SLIT2: variants seen among roughly 807,000 people sequenced by gnomAD.
The protein encoded by SLIT2 is slit homolog 2 protein.
SLIT2 carries 41 observed loss-of-function variants against 185.7 expected under a neutral mutation model. The ratio of observed to expected loss-of-function variants is 0.22; its 90% confidence interval spans 0.17 to 0.29. SLIT2 has a LOEUF of 0.29. Among genes scored for constraint, SLIT2 ranks in the 10% least tolerant of loss-of-function variants. SLIT2 has a pLI of 1.00. For missense variants in SLIT2, 1,571 were observed against 1,909.0 expected (o/e 0.82, Z 3.30); for synonymous variants, 693 against 680.2 (o/e 1.02, Z -0.29).
chr4:20,547,074 G>C (rs539205452), intron 22 of SLIT2, among the ~76,000 whole-genome samples: 14 of 152,192 alleles, frequency 9.2e-5, no homozygotes, highest in Middle Eastern at 3.4e-3. Flanking sequence ...ATTGAAGCTA[G>C]TTAAAATTGC....
At position 20,546,963 on chromosome 4, in the gene SLIT2, G is replaced by A. The variant is rs182683253; in HGVS notation, c.2345+864G>A. ...TTTAGAGTAAATATTACTAGCGTAA[G>A]AAGCAGATTACTGGTTAACGAATTA... On this transcript the variant is annotated intron_variant, in intron 22 of 36. Coordinates refer to ENST00000504154, the MANE Select transcript of SLIT2 (RefSeq NM_004787.4). Among the ~76,000 whole-genome samples the A allele has an allele frequency of 1.1e-3, 167 of 152,192 alleles. 1 individual carries two copies. In the East Asian group the frequency reaches 0.018, roughly 17 times the overall value.
chr4:20,539,212 A>G (rs1335213931), intron 18 of SLIT2, among the ~76,000 whole-genome samples: 2 of 152,242 alleles, frequency 1.3e-5, no homozygotes, highest in African/African-American at 4.8e-5. Flanking sequence ...ATCCATGCCT[A>G]GACTCACCGT....
In SLIT2 at chr4:20,617,494, T is replaced by A; in HGVS notation, c.4192T>A (p.Leu1398Met). The A allele has an allele frequency of 6.2e-7, 1 of 1,614,144 alleles. No homozygotes were observed. The highest frequency in any genetic ancestry group is 8.5e-7 in the Non-Finnish European group (1 of 1,180,016). ...INAFSYSCKC[L>M]EGHGGVLCDE... ...TGCGTTCTCCTACAGCTGTAAGTGCTTGGAGGGCCATGGAGGTGTCCTCTG... is the reference window on the plus strand; with the variant it reads ...TGCGTTCTCCTACAGCTGTAAGTGCATGGAGGGCCATGGAGGTGTCCTCTG... Residue 1398 changes from leucine (L) to methionine (M), a missense_variant, in exon 36 of 37, where the codon TTG becomes ATG. Transcript: ENST00000504154.
chr4:20,392,198 C>T (rs1021445407), intron 4 of SLIT2: 1 of 152,040 alleles, frequency 6.6e-6, no homozygotes, highest in Non-Finnish European at 1.5e-5. Context: ...TAGCCTATTG[C>T]TCCTAGGCTT....
intron 33 of SLIT2, among the ~76,000 whole-genome samples, chr4:20,605,401 A>G (rs1728712681): frequency 6.6e-6 from 1 of 152,230 alleles, no homozygotes; most frequent in Non-Finnish European, 1.5e-5. Context: ...AACAAATCTC[A>G]GGAAATAGGT....
intron 4 of SLIT2, among the ~76,000 whole-genome samples, chr4:20,342,717 C>CTCT (rs1721057685): frequency 2.9e-5 from 2 of 69,678 alleles, no homozygotes; most frequent in Non-Finnish European, 4.9e-5. Flanking sequence ...GACTATCGCA[C>CTCT]TTTTTTTTTT....
At chr4:20,522,965 A>G (rs913793009) in intron 12 of SLIT2, among the ~76,000 whole-genome samples, 6 of 152,162 alleles carry the variant, frequency 3.9e-5, no homozygotes, top group Non-Finnish European at 7.3e-5. Context: ...AAAAAAATGT[A>G]TATATTTTAG....
chr4:20,334,497 G>A (rs190795719), intron 4 of SLIT2, among the ~76,000 whole-genome samples: 1 of 152,184 alleles, frequency 6.6e-6, no homozygotes, highest in East Asian at 1.9e-4. Flanking sequence ...AATTGTTTAG[G>A]AGAGATATCT....
At chr4:20,503,536 A>C (rs1322220564) in intron 9 of SLIT2, among the ~76,000 whole-genome samples, 1 of 151,940 alleles carries the variant, frequency 6.6e-6, no homozygotes, top group African/African-American at 2.4e-5. Flanking sequence ...CTCCCCCTGA[A>C]ATCTGTGGGC....
intron 7 of SLIT2, among the ~76,000 whole-genome samples, chr4:20,486,491 TA>T (rs534832210): frequency 1.4e-3 from 209 of 150,964 alleles, no homozygotes; most frequent in Non-Finnish European, 2.1e-3. Flanking sequence ...ACTTTGGAGT[TA>T]AAAAAAAACA....
chr4:20,336,851 C>A (rs1720548162), intron 4 of SLIT2, among the ~76,000 whole-genome samples: 1 of 152,124 alleles, frequency 6.6e-6, no homozygotes. Flanking sequence ...GTCATTTGAA[C>A]CGCATTTGCA....
chr4:20,341,360 G>A lies in SLIT2; in HGVS notation c.395+72479G>A, dbSNP rs1720949050. Among the ~76,000 whole-genome samples the A allele has an allele frequency of 5.3e-5, 8 of 152,328 alleles. No individual in the cohort carries two copies. The South Asian group carries it at 1.7e-3, about 32-fold the overall frequency. On this transcript the variant is annotated intron_variant, in intron 4 of 36. Transcript: ENST00000504154. ...CACCTTATTTTTCCTTAGACAGACA[G>A]TAAAGCAACCACTAAGGGTGCTTAG...
At chr4:20,363,366 G>A (rs1339619752) in intron 4 of SLIT2, among the ~76,000 whole-genome samples, 1 of 152,084 alleles carries the variant, frequency 6.6e-6, no homozygotes, top group Non-Finnish European at 1.5e-5. Flanking sequence ...TAGTGTTTCT[G>A]CATTACCATA....
intron 4 of SLIT2, among the ~76,000 whole-genome samples, chr4:20,387,133 T>G (rs1023267000): frequency 1.1e-4 from 17 of 152,078 alleles, no homozygotes; most frequent in African/African-American, 3.9e-4. Context: ...AGTGATGGGT[T>G]TTTTCCAGCT....
At position 20,254,789 on chromosome 4, in the gene SLIT2, G is replaced by T; in HGVS notation, c.179+795G>T. On this transcript the variant is annotated intron_variant, in intron 1 of 36. Transcript: ENST00000504154. The surrounding 1 kb of genome is among the most constrained non-coding windows in gnomAD (Gnocchi z 5.1). ...CCGGCGGTGCCCGGCTGCCCCCTCC[G>T]GCCCTTCCTGCTGAACCCCTGCGTC... 2.5e-6 allele frequency: 1 copy of T among 398,648 alleles called. No individual in the cohort carries two copies. The highest frequency in any genetic ancestry group is 1.9e-5 in the South Asian group (1 of 53,896). The allele number at this position is 398,648 out of a possible 1,614,324, so 24.7% of individuals were successfully genotyped here.
chr4:20,554,826 C>T (rs924979695), intron 26 of SLIT2, among the ~76,000 whole-genome samples: 1 of 151,882 alleles, frequency 6.6e-6, no homozygotes, highest in East Asian at 1.9e-4. Flanking sequence ...TGCAGTGGCA[C>T]GATCTCAGCT....
At position 20,528,420 on chromosome 4, in the gene SLIT2, C is replaced by T. The variant is rs1486893957; in HGVS notation, c.1463-529C>T. 2.0e-6 allele frequency: 1 copy of T among 509,522 alleles called. No individual in the cohort carries two copies. The highest frequency in any genetic ancestry group is 2.1e-5 in the Admixed American group (1 of 48,466). 31.6% of individuals were successfully genotyped at this position (509,522 alleles called of 1,614,324 possible). A position where few individuals can be genotyped will look rare whatever the true frequency, so the allele number is the denominator to read the frequency against. On this transcript the variant is annotated intron_variant, in intron 15 of 36. Transcript: ENST00000504154. This position sits in a 1 kb window ranked among gnomAD's most constrained non-coding sequence, Gnocchi z 4.2. ...CTGCTGAGGCTTAAATCAGGATTTT[C>T]CTGTCTCTTTCTACAAAATCAAAAT...
intron 6 of SLIT2, among the ~76,000 whole-genome samples, chr4:20,482,336 C>A (rs974383827): frequency 5.9e-5 from 9 of 151,950 alleles, no homozygotes; most frequent in African/African-American, 2.2e-4. Flanking sequence ...TAGTTCTTCA[C>A]TGTATTTATT....
intron 9 of SLIT2, among the ~76,000 whole-genome samples, chr4:20,505,958 A>T (rs1317914982): frequency 6.6e-6 from 1 of 152,076 alleles, no homozygotes; most frequent in South Asian, 2.1e-4. Flanking sequence ...TTGGATAAAC[A>T]TACTTTTGAG....
Sources: allele counts gnomAD v4.1 joint callset (sites outside exome capture counted in the v4.1 genomes callset), GRCh38; gene constraint gnomAD v4.1.1; non-coding constraint Gnocchi (gnomAD v3.1); transcripts MANE v1.5; gene names NCBI Gene and HGNC (gene_info 2026-07-23, HGNC 2026-07-21).